RBM26: variants seen among roughly 807,000 people sequenced by gnomAD.
RBM26 encodes the protein RNA-binding protein 26.
Under a neutral mutation model 123.6 loss-of-function variants are expected in RBM26, and 30 were observed. The observed-to-expected ratio is 0.24, with a 90% CI of 0.18 to 0.33. The LOEUF is 0.33. Ranked by LOEUF, RBM26 falls within the 10% of genes least tolerant of loss-of-function variation. RBM26 has a pLI of 1.00. For missense variants in RBM26, 947 were observed against 1,203.6 expected, an observed-to-expected ratio of 0.79 and a Z score of 3.15; for synonymous variants, 400 against 404.4, an observed-to-expected ratio of 0.99 and a Z score of 0.13.
rs923579283 is a variant in RBM26, at chr13:79,354,611, A to C, written c.1855-41T>G. 4 of 1,521,394 alleles carry C rather than the reference A, an allele frequency of 2.6e-6. No individual in the cohort carries two copies. The African/African-American group carries it at 5.5e-5, about 21-fold the overall frequency. The allele number at this position is 1,521,394 out of a possible 1,614,324, so 94.2% of individuals were successfully genotyped here. ...AAATGTTAAACAAGTTGATTCATTC[A>C]AAAGGATGGAAAGTGACCTGTGTTA... On this transcript the variant is annotated intron_variant, in intron 12 of 21. Coordinates refer to ENST00000438737, the MANE Select transcript of RBM26 (RefSeq NM_001366735.2).
intron 6 of RBM26, 26 bp downstream of exon 6, chr13:79,368,704 C>T: frequency 6.3e-7 from 1 of 1,596,258 alleles, no homozygotes; most frequent in African/African-American, 1.3e-5. Flanking sequence ...TAATTAAATA[C>T]TTTATCAAAC....
downstream of RBM26, chr13:79,314,676 C>A: frequency 6.1e-6 from 1 of 165,086 alleles, no homozygotes; most frequent in Non-Finnish European, 1.3e-5. Context: ...TTGGCTCAGA[C>A]TTGAATATAC....
chr13:79,324,686 C>A (rs2068111651), intron 20 of RBM26, among the ~76,000 whole-genome samples: 1 of 151,280 alleles, frequency 6.6e-6, no homozygotes, highest in African/African-American at 2.4e-5. Flanking sequence ...CCTTAAAAAG[C>A]CCTCTCAATA....
chr13:79,373,736 A>G (rs1187515161), intron 3 of RBM26, among the ~76,000 whole-genome samples: 6 of 47,672 alleles, frequency 1.3e-4, no homozygotes, highest in African/African-American at 3.5e-4. Flanking sequence ...ATAATATATA[A>G]TATTTTATAT....
In RBM26 at chr13:79,358,329, T is replaced by C. The variant is rs1390665632; in HGVS notation, c.1634A>G (p.Asn545Ser). 1.9e-5 allele frequency: 30 copies of C among 1,611,214 alleles called. No homozygotes were observed. Among genetic ancestry groups the C allele is most frequent in the Non-Finnish European group, 2.5e-5 (30 of 1,179,018 alleles). The change falls in exon 11 of 22, where the codon AAT (asparagine) becomes AGT (serine). Residue 545 changes from asparagine to serine, a missense_variant. Transcript: ENST00000438737. ...AAAATGTTCATTAAGTTTGCTGATA[T>C]TATTTAATTCTGGAGGAACTTTTCT... ...ELRKVPPELNNISKLNEHFSR... is the reference protein window; with the variant it reads ...ELRKVPPELNSISKLNEHFSR...
At chr13:79,385,219 C>T (rs1233184697) in intron 1 of RBM26, among the ~76,000 whole-genome samples, 2 of 152,140 alleles carry the variant, frequency 1.3e-5, no homozygotes, top group Non-Finnish European at 2.9e-5. Context: ...ATAATACATA[C>T]ATTGAAAATT....
chr13:79,333,335 C>T lies in RBM26; in HGVS notation c.2820+1009G>A, dbSNP rs541761864. ...TAATATACTACCCCCTACCTCTACC[C>T]CCAAAACTAGATTTTTTCAAGGCTC... On this transcript the variant is annotated intron_variant, in intron 20 of 21. Coordinates refer to ENST00000438737, the MANE Select transcript of RBM26 (RefSeq NM_001366735.2). 3.8e-3 allele frequency among the ~76,000 whole-genome samples: 570 copies of T among 151,946 alleles called. 2 individuals carry two copies. The highest frequency in any genetic ancestry group is 0.013 in the African/African-American group (538 of 41,424).
rs575907267 is a variant in RBM26 at position 79,336,253 on chromosome 13, C to T, written c.2733+849G>A. ...TGTTCTTTTTTCCATCATATGCCAG[C>T]GTGATACTTCTCTAAGTTACTAAAG... On this transcript the variant is annotated intron_variant, in intron 19 of 21. Transcript: ENST00000438737. 2.1e-4 allele frequency among the ~76,000 whole-genome samples: 32 copies of T among 152,134 alleles called. 1 individual carries two copies. The South Asian group carries it at 5.6e-3, about 27-fold the overall frequency.
At chr13:79,317,483 G>A (rs2067260982), downstream of RBM26, among the ~76,000 whole-genome samples, 1 of 151,624 alleles carries the variant, frequency 6.6e-6, no homozygotes, top group Admixed American at 6.6e-5. Flanking sequence ...CACAGAGTTA[G>A]TTGCAGAATT....
At chr13:79,393,471 C>T (rs908500810) in intron 1 of RBM26, among the ~76,000 whole-genome samples, 2 of 152,154 alleles carry the variant, frequency 1.3e-5, no homozygotes, top group East Asian at 3.8e-4. Flanking sequence ...CGAATTCTTT[C>T]TTCTGAGACA....
chr13:79,392,060 TTATG>T lies in RBM26; in HGVS notation c.72-13157_72-13154del, dbSNP rs1287271731. Among the ~76,000 whole-genome samples the T allele has an allele frequency of 2.1e-5, 3 of 140,400 alleles. 1 individual carries two copies. Among genetic ancestry groups the T allele is most frequent in the African/African-American group, 7.9e-5 (3 of 37,922 alleles). 92.1% of individuals were successfully genotyped at this position (140,400 alleles called of 152,430 possible). On this transcript the variant is annotated intron_variant, in intron 1 of 21. Transcript: ENST00000438737. ...TATTATACAATACATTATTATATAA[TTATG>T]TATTATACAATAATACATAATTATA...
chr13:79,344,528 T>C, intron 15 of RBM26, 141 bp downstream of exon 15: 2 of 853,236 alleles, frequency 2.3e-6, no homozygotes, highest in Admixed American at 2.8e-5. Flanking sequence ...TATTTACCGC[T>C]ATACTATGGA....
intron 9 of RBM26, 148 bp downstream of exon 9, chr13:79,365,430 G>T: frequency 1.5e-6 from 1 of 655,784 alleles, no homozygotes; most frequent in East Asian, 2.7e-5. Flanking sequence ...GCCACAGAGT[G>T]AGACTCTGTC....
At chr13:79,390,229 T>C (rs2077839268) in intron 1 of RBM26, among the ~76,000 whole-genome samples, 1 of 152,156 alleles carries the variant, frequency 6.6e-6, no homozygotes, top group Non-Finnish European at 1.5e-5. Context: ...TTATTATTGT[T>C]AACTACTGTA....
intron 6 of RBM26, among the ~76,000 whole-genome samples, chr13:79,367,355 A>G (rs573176199): frequency 4.3e-4 from 62 of 144,710 alleles, no homozygotes; most frequent in Non-Finnish European, 5.3e-4. Flanking sequence ...TGCACTGAGC[A>G]GAGACTGTGT....
At chr13:79,326,061 A>C (rs1420355380) in intron 20 of RBM26, among the ~76,000 whole-genome samples, 1 of 152,146 alleles carries the variant, frequency 6.6e-6, no homozygotes, top group Non-Finnish European at 1.5e-5. Context: ...GTAGTAGGTT[A>C]TATCATTTAT....
Position 79,355,212 on chromosome 13 carries a change from T to G in RBM26, c.1854+8A>C, listed in dbSNP as rs768862264. 6.2e-7 allele frequency: 1 copy of G among 1,612,634 alleles called. No homozygotes were observed. On this transcript the variant is annotated splice_region_variant and intron_variant, in intron 12 of 21. Coordinates refer to ENST00000438737, the MANE Select transcript of RBM26 (RefSeq NM_001366735.2). ...ATGCGCGTACTTTTACACAAATTCC[T>G]CTCTTACCTTTGGAGAAGTAGTTTG... is the stretch of plus-strand genomic sequence containing the variant.
At chr13:79,324,306 A>C (rs930441417) in intron 20 of RBM26, among the ~76,000 whole-genome samples, 7 of 151,876 alleles carry the variant, frequency 4.6e-5, no homozygotes, top group Non-Finnish European at 7.4e-5. Flanking sequence ...TTTCATAAAT[A>C]TCTCTCGATG....
At chr13:79,386,680 T>G (rs1566561762) in intron 1 of RBM26, among the ~76,000 whole-genome samples, 1 of 150,140 alleles carries the variant, frequency 6.7e-6, no homozygotes, top group Non-Finnish European at 1.5e-5. Context: ...TTAATTCCTA[T>G]TCATAGTTGA....
Sources: gnomAD v4.1 joint callset for allele counts (sites outside exome capture counted in the v4.1 genomes callset) on GRCh38, gnomAD v4.1.1 for gene constraint, MANE v1.5 for transcripts, NCBI Gene and HGNC (gene_info 2026-07-23, HGNC 2026-07-21) for gene names.